Variants in DAZAP1 observed in about 807,000 individuals in gnomAD.
DAZAP1 encodes DAZ associated protein 1.
Under a neutral mutation model 60.1 loss-of-function variants are expected in DAZAP1, and 6 were observed. The ratio of observed to expected loss-of-function variants is 0.10; its 90% CI spans 0.05 to 0.20. DAZAP1 has a LOEUF of 0.20. Among genes scored for constraint, DAZAP1 ranks in the 10% least tolerant of loss-of-function variants. DAZAP1 has a pLI of 1.00. For missense variants in DAZAP1, 366 were observed against 560.4 expected (o/e 0.65, Z 3.50); for synonymous variants, 235 against 215.9 (o/e 1.09, Z -0.78).
At chr19:1,413,216 G>A (rs900215531) in intron 1 of DAZAP1, among the ~76,000 whole-genome samples, 6 of 152,232 alleles carry the variant, frequency 3.9e-5, no homozygotes, top group Non-Finnish European at 8.8e-5. Context: ...GCAAGCCCAC[G>A]AGAGCCAGCA....
At position 1,430,016 on chromosome 19, in the gene DAZAP1, G is replaced by A; in HGVS notation, c.730+20G>A. On this transcript the variant is annotated intron_variant, in intron 9 of 11. Coordinates refer to ENST00000233078, the MANE Select transcript of DAZAP1 (RefSeq NM_018959.4). ...CGATTGGTAAGTCCTTGTTTATAGA[G>A]CAAAGGCGGGGACAGAAGCCACATG... The A allele has an allele frequency of 6.4e-7, 1 of 1,574,294 alleles. No homozygotes were observed. Among genetic ancestry groups the A allele is most frequent in the Non-Finnish European group, 8.6e-7 (1 of 1,158,878 alleles).
At chr19:1,415,651 A>C (rs2082961738) in intron 1 of DAZAP1, 2 of 152,028 alleles carry the variant, frequency 1.3e-5, no homozygotes, top group Admixed American at 6.6e-5. Context: ...CGCTCCTCCC[A>C]CGGTCTCTAG....
chr19:1,409,529 T>C (rs886854568), intron 1 of DAZAP1, among the ~76,000 whole-genome samples: 1 of 152,174 alleles, frequency 6.6e-6, no homozygotes, highest in Non-Finnish European at 1.5e-5. Context: ...CTGGAGTGCA[T>C]GGACCCTGCT....
intron 4 of DAZAP1, among the ~76,000 whole-genome samples, chr19:1,419,885 C>G (rs1352133320): frequency 6.9e-6 from 1 of 145,688 alleles, no homozygotes; most frequent in Non-Finnish European, 1.5e-5. Flanking sequence ...GAGCACTCAC[C>G]CCACGCACAC....
rs1472005765 is a variant in DAZAP1, at chr19:1,433,894, C to T, written c.1049-843C>T. 2.1e-6 allele frequency: 3 copies of T among 1,459,724 alleles called. No homozygotes were observed. The Admixed American group carries it at 5.1e-5, about 25-fold the overall frequency. 90.4% of individuals were successfully genotyped at this position (1,459,724 alleles called of 1,614,324 possible). On this transcript the variant is annotated intron_variant, in intron 11 of 11. Coordinates refer to ENST00000233078, the MANE Select transcript of DAZAP1 (RefSeq NM_018959.4). The surrounding 1 kb of genome is among the most constrained non-coding windows in gnomAD (Gnocchi z 6.1). ...CACCGGGAGGTGGACGTGGCTTCCT[C>T]TGCCGTCCCGGGCGGGGGTGGACGC... is the stretch of plus-strand genomic sequence containing the variant.
chr19:1,432,221 C>T lies in DAZAP1; in HGVS notation c.872-293C>T. ...AGCAATTTTGCTGTGAGGTTACTTG[C>T]TCCTTGAGTTCTTGTCTGAGGCCCA... On this transcript the variant is annotated intron_variant, in intron 10 of 11. Coordinates refer to ENST00000233078, the MANE Select transcript of DAZAP1 (RefSeq NM_018959.4). This position sits in a 1 kb window ranked among gnomAD's most constrained non-coding sequence, Gnocchi z 4.9. 1 of 490,382 alleles carries T rather than the reference C, an allele frequency of 2.0e-6. No homozygotes were observed. 30.4% of individuals were successfully genotyped at this position (490,382 alleles called of 1,614,324 possible). A position where few individuals can be genotyped will look rare whatever the true frequency, so the allele number is the denominator to read the frequency against.
At chr19:1,414,628 C>T (rs1004106104) in intron 1 of DAZAP1, among the ~76,000 whole-genome samples, 4 of 151,696 alleles carry the variant, frequency 2.6e-5, no homozygotes, top group Admixed American at 1.3e-4. Flanking sequence ...CCCAGCTACT[C>T]GGGAGGCTGA....
intron 1 of DAZAP1, among the ~76,000 whole-genome samples, chr19:1,415,380 TGTGTG>T (rs2082948551): frequency 6.7e-6 from 1 of 148,210 alleles, no homozygotes; most frequent in African/African-American, 2.5e-5. Flanking sequence ...TGTGTGTGTG[TGTGTG>T]TGTGTTTTGT....
Position 1,423,130 on chromosome 19 carries a change from G to C in DAZAP1, c.463+734G>C, listed in dbSNP as rs1314505494. Among the ~76,000 whole-genome samples, 1 of 151,678 alleles carries C rather than the reference G, an allele frequency of 6.6e-6. No individual in the cohort carries two copies. Among genetic ancestry groups the C allele is most frequent in the Admixed American group, 6.7e-5 (1 of 14,980 alleles). On this transcript the variant is annotated intron_variant, in intron 6 of 11. Coordinates refer to ENST00000233078, the MANE Select transcript of DAZAP1 (RefSeq NM_018959.4). The surrounding 1 kb of genome is among the most constrained non-coding windows in gnomAD (Gnocchi z 6.8). Reference sequence around the variant, plus strand: ...GCCTGGGTCTGCCCGCCACGTCCGTGCCGCCCCCGCACCACCGGCCCAGGT... The same window carrying C: ...GCCTGGGTCTGCCCGCCACGTCCGTCCCGCCCCCGCACCACCGGCCCAGGT...
At chr19:1,412,602 C>T (rs2082862762) in intron 1 of DAZAP1, among the ~76,000 whole-genome samples, 1 of 152,242 alleles carries the variant, frequency 6.6e-6, no homozygotes, top group Admixed American at 6.5e-5. Flanking sequence ...TTTTGAAGCC[C>T]ACTCTGGTGC....
Position 1,432,727 on chromosome 19 carries a change from C to T in DAZAP1, c.1048+37C>T, listed in dbSNP as rs374993604. ...CCTGCCATGCCGCGTCCCCGCTGGC[C>T]CCAGGACCCTGGGCACGGCCTGCCT... On this transcript the variant is annotated intron_variant, in intron 11 of 11. Coordinates refer to ENST00000233078, the MANE Select transcript of DAZAP1 (RefSeq NM_018959.4). This position sits in a 1 kb window ranked among gnomAD's most constrained non-coding sequence, Gnocchi z 4.9. The T allele has an allele frequency of 1.9e-5, 29 of 1,546,408 alleles. No individual in the cohort carries two copies. The highest frequency in any genetic ancestry group is 1.7e-4 in the South Asian group (14 of 81,196).
In DAZAP1 at chr19:1,430,009, T is replaced by G; in HGVS notation, c.730+13T>G. On this transcript the variant is annotated intron_variant, in intron 9 of 11. Coordinates refer to ENST00000233078, the MANE Select transcript of DAZAP1 (RefSeq NM_018959.4). ...GGACAGGCGATTGGTAAGTCCTTGT[T>G]TATAGAGCAAAGGCGGGGACAGAAG... The G allele has an allele frequency of 1.3e-6, 2 of 1,574,528 alleles. No individual in the cohort carries two copies. The highest frequency in any genetic ancestry group is 1.7e-6 in the Non-Finnish European group (2 of 1,158,996).
chr19:1,434,546 T>G lies in DAZAP1; in HGVS notation c.1049-191T>G. The G allele has an allele frequency of 1.8e-6, 1 of 564,888 alleles. No individual in the cohort carries two copies. Among genetic ancestry groups the G allele is most frequent in the East Asian group, 3.4e-5 (1 of 29,808 alleles). The allele number at this position is 564,888 out of a possible 1,614,324, so 35.0% of individuals were successfully genotyped here. ...CTCTGTGTGTGCCCCTGCTCACATGTTTTTGAGGGAGAGAACATGCCCGGG... is the reference window on the plus strand; with the variant it reads ...CTCTGTGTGTGCCCCTGCTCACATGGTTTTGAGGGAGAGAACATGCCCGGG... On this transcript the variant is annotated intron_variant, in intron 11 of 11. Coordinates refer to ENST00000233078, the MANE Select transcript of DAZAP1 (RefSeq NM_018959.4). The surrounding 1 kb of genome is among the most constrained non-coding windows in gnomAD (Gnocchi z 8.0).
rs1569023014 is a variant in DAZAP1, at chr19:1,407,661, C to CTT, written c.-113_-112insTT. The CTT allele has an allele frequency of 1.0e-6, 1 of 960,058 alleles. No homozygotes were observed. The highest frequency in any genetic ancestry group is 1.8e-5 in the African/African-American group (1 of 54,140). The allele number at this position is 960,058 out of a possible 1,614,324, so 59.5% of individuals were successfully genotyped here. Reference sequence around the variant, plus strand: ...CCGCCGCCGCCGCCGCCGCCGCCGCCGTTGCGCAGATCCGGGCCGCGGCTG... The same window carrying CTT: ...CCGCCGCCGCCGCCGCCGCCGCCGCCTTGTTGCGCAGATCCGGGCCGCGGCTG... On this transcript the variant is annotated 5_prime_UTR_variant, in exon 1 of 12. Coordinates refer to ENST00000233078, the MANE Select transcript of DAZAP1 (RefSeq NM_018959.4).
In DAZAP1 at chr19:1,434,939, C is replaced by T. The variant is rs2083559897; in HGVS notation, c.*27C>T. 4 of 1,326,068 alleles carry T rather than the reference C, an allele frequency of 3.0e-6. No individual in the cohort carries two copies. 82.1% of individuals were successfully genotyped at this position (1,326,068 alleles called of 1,614,324 possible). ...CCGCGGCGCCGCGACGTCTGCACGG[C>T]CCAGACCCAGGATTCCAAACTTGTG... On this transcript the variant is annotated 3_prime_UTR_variant, in exon 12 of 12. Transcript: ENST00000233078. This position sits in a 1 kb window ranked among gnomAD's most constrained non-coding sequence, Gnocchi z 8.0.
chr19:1,417,468 T>C, intron 1 of DAZAP1, 32 bp from the exon 2 acceptor site: 1 of 1,590,636 alleles, frequency 6.3e-7, no homozygotes, highest in Non-Finnish European at 8.6e-7. Flanking sequence ...GAGCGCTGTC[T>C]TGATCCTGAA....
chr19:1,412,883 G>T (rs569260149), intron 1 of DAZAP1, among the ~76,000 whole-genome samples: 1 of 152,176 alleles, frequency 6.6e-6, no homozygotes, highest in African/African-American at 2.4e-5. Flanking sequence ...CAGACTGCAC[G>T]CTGGACTCCA....
chr19:1,434,707 G>A lies in DAZAP1; in HGVS notation c.1049-30G>A, dbSNP rs373758247. 20 of 1,606,700 alleles carry A rather than the reference G, an allele frequency of 1.2e-5. No homozygotes were observed. In the African/African-American group the frequency reaches 1.9e-4, roughly 15 times the overall value. On this transcript the variant is annotated intron_variant, in intron 11 of 11. Coordinates refer to ENST00000233078, the MANE Select transcript of DAZAP1 (RefSeq NM_018959.4). The surrounding 1 kb of genome is among the most constrained non-coding windows in gnomAD (Gnocchi z 8.0). The stretch of plus-strand genomic sequence containing the variant: ...CGGCAGTGCCAACCGCCCAGGGACC[G>A]CCCCGAGCTCACAGGACTTTCTCCC...
chr19:1,408,869 A>G (rs2082743095), intron 1 of DAZAP1, among the ~76,000 whole-genome samples: 1 of 152,026 alleles, frequency 6.6e-6, no homozygotes, highest in Non-Finnish European at 1.5e-5. Context: ...TCTTCCGGCA[A>G]AACAGTCTGG....
Sources: gnomAD v4.1 joint callset for allele counts (sites outside exome capture counted in the v4.1 genomes callset) on GRCh38, gnomAD v4.1.1 for gene constraint, Gnocchi (gnomAD v3.1) non-coding constraint, MANE v1.5 for transcripts, NCBI Gene and HGNC (gene_info 2026-07-23, HGNC 2026-07-21) for gene names.